The following FOXP1 variants were observed in gnomAD, a reference collection of about 807,000 sequenced individuals.
The protein encoded by FOXP1 is forkhead box protein P1.
A neutral mutation model predicts 98.2 loss-of-function variants in FOXP1; 15 were observed. The ratio of observed to expected loss-of-function variants is 0.15; its 90% CI spans 0.10 to 0.24. FOXP1 has a LOEUF of 0.24. Ranked by LOEUF, FOXP1 falls within the 10% of genes least tolerant of loss-of-function variation. FOXP1 has a pLI of 1.00. For synonymous variants in FOXP1, 371 were observed against 314.5 expected, an observed-to-expected ratio of 1.18 and a Z score of -1.90; for missense variants, 633 against 848.5, an observed-to-expected ratio of 0.75 and a Z score of 3.15.
intron 5 of FOXP1, among the ~76,000 whole-genome samples, chr3:71,207,738 TAA>T (rs11305999): frequency 3.2e-4 from 48 of 151,530 alleles, no homozygotes; most frequent in South Asian, 8.4e-4. Context: ...AACAATAACT[TAA>T]AAAAAAAATG....
rs371868919 is a variant in FOXP1, at chr3:71,149,123, A to C, written c.181-36486T>G. Among the ~76,000 whole-genome samples, 208 of 152,342 alleles carry C rather than the reference A, an allele frequency of 1.4e-3. 2 individuals are homozygous for C. In the East Asian group the frequency reaches 0.03, roughly 22 times the overall value. On this transcript the variant is annotated intron_variant, in intron 6 of 20. Transcript: ENST00000649528. ...GAAGACAAAGTAGAAGAGAACACAG[A>C]CAGCCTCTACTCTTGGGGCATTCTG...
At chr3:71,110,388 C>T (rs2057814416) in intron 7 of FOXP1, among the ~76,000 whole-genome samples, 1 of 152,046 alleles carries the variant, frequency 6.6e-6, no homozygotes, top group Non-Finnish European at 1.5e-5. Flanking sequence ...CAAAGCTCTA[C>T]TATGTGTAAG....
intron 2 of FOXP1, among the ~76,000 whole-genome samples, chr3:71,576,367 G>T (rs1054950702): frequency 2.6e-5 from 4 of 152,046 alleles, no homozygotes; most frequent in African/African-American, 9.7e-5. Flanking sequence ...AATACAATTT[G>T]GAAGGAAAGT....
At chr3:71,573,007 T>C (rs941701415) in intron 2 of FOXP1, among the ~76,000 whole-genome samples, 1 of 152,164 alleles carries the variant, frequency 6.6e-6, no homozygotes, top group African/African-American at 2.4e-5. Flanking sequence ...CGGACACTGG[T>C]TACAAATACT....
intron 5 of FOXP1, among the ~76,000 whole-genome samples, chr3:71,285,673 T>C (rs545416373): frequency 1.3e-5 from 2 of 152,304 alleles, no homozygotes; most frequent in East Asian, 3.9e-4. Context: ...TTTCAGTTGG[T>C]CCATTTTTTC....
intron 4 of FOXP1, among the ~76,000 whole-genome samples, chr3:71,322,463 G>A (rs1385585762): frequency 1.3e-5 from 2 of 152,214 alleles, no homozygotes; most frequent in Non-Finnish European, 2.9e-5. Flanking sequence ...AGTACAGTGT[G>A]TAGGTACATT....
intron 3 of FOXP1, among the ~76,000 whole-genome samples, chr3:71,421,640 G>A (rs1248860897): frequency 6.6e-6 from 1 of 152,138 alleles, no homozygotes; most frequent in South Asian, 2.1e-4. Flanking sequence ...AGAGACACCT[G>A]CGTAGTGAAT....
In FOXP1 at chr3:70,988,091, A is replaced by G; in HGVS notation, c.1063-14T>C. 2 of 1,612,970 alleles carry G rather than the reference A, an allele frequency of 1.2e-6. No individual in the cohort carries two copies. The highest frequency in any genetic ancestry group is 1.1e-5 in the South Asian group (1 of 91,056). On this transcript the variant is annotated splice_polypyrimidine_tract_variant and intron_variant, in intron 13 of 20. Coordinates refer to ENST00000649528, the MANE Select transcript of FOXP1 (RefSeq NM_001349338.3). ...GTCTTTTGCAAGCTGGCAAGAAGAA[A>G]ATGCTTTGTTATTTCTCTGAATAAA...
chr3:71,341,372 T>A (rs1259487242), intron 4 of FOXP1, among the ~76,000 whole-genome samples: 1 of 152,226 alleles, frequency 6.6e-6, no homozygotes, highest in African/African-American at 2.4e-5. Flanking sequence ...TAAAGGAGAT[T>A]AGAAAATACT....
chr3:70,987,370 G>A (rs1021328861), intron 14 of FOXP1, among the ~76,000 whole-genome samples: 9 of 152,218 alleles, frequency 5.9e-5, no homozygotes, highest in African/African-American at 2.2e-4. Flanking sequence ...AGGGAATAAG[G>A]CAAGAAAGAG....
At chr3:71,138,447 C>T (rs922653608) in intron 6 of FOXP1, among the ~76,000 whole-genome samples, 3 of 151,806 alleles carry the variant, frequency 2.0e-5, no homozygotes, top group African/African-American at 2.4e-5. Flanking sequence ...TTTAAAAATA[C>T]ATTAAAAAAA....
chr3:71,390,722 A>G (rs1430956778), intron 3 of FOXP1, among the ~76,000 whole-genome samples: 1 of 152,238 alleles, frequency 6.6e-6, no homozygotes, highest in East Asian at 1.9e-4. Context: ...AGACATGGCA[A>G]CTTCTTGCAG....
chr3:71,302,892 T>C (rs762060801), intron 4 of FOXP1: 2 of 152,170 alleles, frequency 1.3e-5, no homozygotes, highest in Non-Finnish European at 1.5e-5. Context: ...CCTCTTTCTC[T>C]ACCTCCCCAA....
At chr3:71,582,816 G>A in intron 1 of FOXP1, 2 of 984,442 alleles carry the variant, frequency 2.0e-6, no homozygotes, top group Non-Finnish European at 1.2e-6. Flanking sequence ...TCCGGGCTCC[G>A]AGGGGGTGGC....
At chr3:71,411,278 CGTGTGTGTGTGTGT>C (rs58267668) in intron 3 of FOXP1, among the ~76,000 whole-genome samples, 75 of 141,786 alleles carry the variant, frequency 5.3e-4, no homozygotes, top group East Asian at 4.9e-3. Flanking sequence ...GCTGAATGGG[CGTGTGTGTGTGTGT>C]GTGTGTGTGT....
intron 2 of FOXP1, among the ~76,000 whole-genome samples, chr3:71,573,252 G>A (rs954891432): frequency 8.5e-5 from 13 of 152,194 alleles, no homozygotes; most frequent in African/African-American, 3.1e-4. Context: ...ACACACACAA[G>A]GAAAAATATG....
At chr3:71,505,394 T>C (rs1009800482) in intron 2 of FOXP1, among the ~76,000 whole-genome samples, 1 of 150,186 alleles carries the variant, frequency 6.7e-6, no homozygotes, top group African/African-American at 2.4e-5. Context: ...AGTCCTCCTA[T>C]TGGACTGTAG....
Position 71,272,452 on chromosome 3 carries a change from G to A in FOXP1, c.-12+27368C>T, listed in dbSNP as rs139463385. Among the ~76,000 whole-genome samples the A allele has an allele frequency of 3.2e-3, 482 of 152,132 alleles. 3 individuals are homozygous for A. The highest frequency in any genetic ancestry group is 0.011 in the African/African-American group (463 of 41,502). On this transcript the variant is annotated intron_variant, in intron 5 of 20. Transcript: ENST00000649528. Reference sequence around the variant, plus strand: ...CCCATGGGTCTTGCAATATACTAGGGGTGGGGGATTTCAGGAGGACAAGTA... The same window carrying A: ...CCCATGGGTCTTGCAATATACTAGGAGTGGGGGATTTCAGGAGGACAAGTA...
At chr3:71,525,772 C>T (rs1447975982) in intron 2 of FOXP1, among the ~76,000 whole-genome samples, 1 of 151,954 alleles carries the variant, frequency 6.6e-6, no homozygotes, top group East Asian at 1.9e-4. Flanking sequence ...TAAGATGATT[C>T]ACGTTTTTTT....
Sources: allele counts gnomAD v4.1 joint callset (sites outside exome capture counted in the v4.1 genomes callset), GRCh38; gene constraint gnomAD v4.1.1; transcripts MANE v1.5; gene names NCBI Gene and HGNC (gene_info 2026-07-23, HGNC 2026-07-21).